TDRD5: variants seen among roughly 807,000 people sequenced by gnomAD.
The protein encoded by TDRD5 is tudor domain containing 5.
In TDRD5, 41 loss-of-function variants were observed where a neutral mutation model predicts 120.6. The observed-to-expected ratio is 0.34, with a 90% CI of 0.26 to 0.44. The LOEUF (loss-of-function observed/expected upper bound fraction) is 0.44. Ranked by LOEUF, TDRD5 falls within the 20% of genes least tolerant of loss-of-function variation. TDRD5 has a pLI of 1.00. For missense variants in TDRD5, 1,006 were observed against 1,221.2 expected (o/e 0.82, Z 2.63); for synonymous variants, 430 against 433.7 (o/e 0.99, Z 0.11).
intron 16 of TDRD5, 34 bp downstream of exon 16, chr1:179,663,525 T>A: frequency 1.3e-6 from 2 of 1,566,154 alleles, no homozygotes; most frequent in Non-Finnish European, 1.7e-6. Context: ...GGGACAGGTT[T>A]GCATAAGGAA....
chr1:179,662,131 C>G lies in TDRD5; in HGVS notation c.2350C>G (p.Leu784Val). Residue 784 changes from leucine to valine, a missense_variant, in exon 15 of 18, where the codon CTG (leucine) becomes GTG (valine). Leu to Val is a conservative substitution (Grantham distance 32). Transcript: ENST00000444136. ...EDEIPTGMPC[L>V]ESVTIGDDIW... ...TGAGATCCCCACTGGAATGCCATGCCTGGAGTCAGTGACCATAGGTGATGA... is the reference window on the plus strand; with the variant it reads ...TGAGATCCCCACTGGAATGCCATGCGTGGAGTCAGTGACCATAGGTGATGA... 6.3e-7 allele frequency: 1 copy of G among 1,591,994 alleles called. No individual in the cohort carries two copies. The highest frequency in any genetic ancestry group is 8.5e-7 in the Non-Finnish European group (1 of 1,171,616).
chr1:179,602,697 G>A (rs745419174), intron 4 of TDRD5, among the ~76,000 whole-genome samples: 48 of 151,934 alleles, frequency 3.2e-4, no homozygotes, highest in Non-Finnish European at 6.2e-4. Context: ...AAGTATTTGG[G>A]TTTATTTCTG....
chr1:179,677,839 C>T (rs141924729), intron 17 of TDRD5, among the ~76,000 whole-genome samples: 3 of 152,132 alleles, frequency 2.0e-5, no homozygotes, highest in Non-Finnish European at 4.4e-5. Context: ...GACCTCCAGC[C>T]AGGAGGTGGT....
chr1:179,642,574 C>T (rs1319400898), intron 11 of TDRD5, among the ~76,000 whole-genome samples: 1 of 152,250 alleles, frequency 6.6e-6, no homozygotes, highest in Admixed American at 6.5e-5. Context: ...ATGCACCCTT[C>T]AGTCATTCAT....
chr1:179,685,855 G>T (rs1289912467), intron 17 of TDRD5, among the ~76,000 whole-genome samples: 1 of 151,332 alleles, frequency 6.6e-6, no homozygotes, highest in African/African-American at 2.4e-5. Flanking sequence ...TCTGTTATTG[G>T]TGTATAGTAA....
At position 179,612,427 on chromosome 1, in the gene TDRD5, G is replaced by T. The variant is rs150694060; in HGVS notation, c.832-6172G>T. On this transcript the variant is annotated intron_variant, in intron 4 of 17. Transcript: ENST00000444136. ...TAGAGGAGAAATGAACATTTTAATG[G>T]GTGAATAGCATATGAATTTAGCTAT... is the stretch of plus-strand genomic sequence containing the variant. 1.8e-3 allele frequency among the ~76,000 whole-genome samples: 276 copies of T among 152,222 alleles called. 1 individual carries two copies. The highest frequency in any genetic ancestry group is 6.4e-3 in the African/African-American group (266 of 41,542).
At position 179,677,580 on chromosome 1, in the gene TDRD5, T is replaced by C. The variant is rs150343871; in HGVS notation, c.2860+8176T>C. Among the ~76,000 whole-genome samples the C allele has an allele frequency of 7.2e-5, 11 of 152,282 alleles. No homozygotes were observed. The East Asian group carries it at 1.9e-3, about 27-fold the overall frequency. ...TGGTGTTCTCTTCTTTCCCCTAGGA[T>C]TGGGGCTTCCTGAGAACTGAACTGT... is the stretch of plus-strand genomic sequence containing the variant. On this transcript the variant is annotated intron_variant, in intron 17 of 17. Transcript: ENST00000444136.
intron 9 of TDRD5, 136 bp from the exon 10 acceptor site, chr1:179,639,703 T>G: frequency 1.3e-6 from 1 of 796,078 alleles, no homozygotes; most frequent in South Asian, 1.8e-5. Flanking sequence ...TTGGTATTAA[T>G]GAGCATTAAC....
Position 179,592,817 on chromosome 1 carries a change from C to A in TDRD5, c.202C>A (p.Pro68Thr), listed in dbSNP as rs1251437832. 6.2e-7 allele frequency: 1 copy of A among 1,613,986 alleles called. No homozygotes were observed. Among genetic ancestry groups the A allele is most frequent in the Non-Finnish European group, 8.5e-7 (1 of 1,180,030 alleles). Reference sequence around the variant, plus strand: ...CATGCCTGATGTTGTTCGTGTCTGCCCCGGTGCAGGTGGTACTGTAATACT... The same window carrying A: ...CATGCCTGATGTTGTTCGTGTCTGCACCGGTGCAGGTGGTACTGTAATACT... ...LDMPDVVRVCPGAGGTVILKA... is the reference protein window; with the variant it reads ...LDMPDVVRVCTGAGGTVILKA... The change falls in exon 2 of 18, where the codon CCC becomes ACC. Residue 68 changes from proline (P) to threonine (T), a missense_variant. By Grantham distance (38) the Pro-to-Thr change is conservative (BLOSUM62 -1). Around this residue, in one of 3 missense-constraint regions of TDRD5, gnomAD observed 445 missense variants for 515.5 expected, o/e 0.86. Coordinates refer to ENST00000444136, the MANE Select transcript of TDRD5 (RefSeq NM_001199085.3).
At chr1:179,613,930 A>G (rs1388435306) in intron 4 of TDRD5, among the ~76,000 whole-genome samples, 2 of 152,186 alleles carry the variant, frequency 1.3e-5, no homozygotes, top group Non-Finnish European at 2.9e-5. Context: ...TAAGAAATGT[A>G]TTAATGTTTT....
intron 11 of TDRD5, among the ~76,000 whole-genome samples, chr1:179,648,452 TG>T (rs754051680): frequency 0.2 from 7,436 of 37,252 alleles, 605 homozygotes; most frequent in Non-Finnish European, 0.22. Context: ...TGTTGTGGGG[TG>T]GGGGGGGGGA....
In TDRD5 at chr1:179,688,412, A is replaced by G. The variant is rs569242475; in HGVS notation, c.2861-2284A>G. ...GTTTGTAGAGTTTGTGCAGAGAGATACGCTGTTAGTCTGATGGCCTTCCCT... is the reference window on the plus strand; with the variant it reads ...GTTTGTAGAGTTTGTGCAGAGAGATGCGCTGTTAGTCTGATGGCCTTCCCT... On this transcript the variant is annotated intron_variant, in intron 17 of 17. Transcript: ENST00000444136. Among the ~76,000 whole-genome samples, 4 of 152,332 alleles carry G rather than the reference A, an allele frequency of 2.6e-5. No homozygotes were observed. The East Asian group carries it at 5.8e-4, about 22-fold the overall frequency.
At chr1:179,634,716 T>C (rs1426428698) in intron 8 of TDRD5, 87 bp downstream of exon 8, 6 of 1,421,568 alleles carry the variant, frequency 4.2e-6, no homozygotes, top group African/African-American at 1.4e-5. Flanking sequence ...AAATTCTTTT[T>C]AGAAAAGTCT....
rs1239014370 is a variant in TDRD5, at chr1:179,624,374, G to A, written c.972+3283G>A. On this transcript the variant is annotated intron_variant, in intron 6 of 17. Coordinates refer to ENST00000444136, the MANE Select transcript of TDRD5 (RefSeq NM_001199085.3). ...AATTCCCCCTTAAAATCTGGAACAA[G>A]GTAAGTATATCCAGTCATACTGCTT... 4.6e-5 allele frequency among the ~76,000 whole-genome samples: 7 copies of A among 152,100 alleles called. No individual in the cohort carries two copies. The East Asian group carries it at 1.4e-3, about 29-fold the overall frequency.
At chr1:179,657,100 T>C (rs1363272636) in intron 14 of TDRD5, among the ~76,000 whole-genome samples, 1 of 152,226 alleles carries the variant, frequency 6.6e-6, no homozygotes, top group African/African-American at 2.4e-5. Flanking sequence ...TCCTATTTTA[T>C]ACTTTTTCAA....
At chr1:179,632,614 T>C (rs10798703) in intron 7 of TDRD5, among the ~76,000 whole-genome samples, 42,748 of 152,042 alleles carry the variant, frequency 0.28, 6,227 homozygotes, top group East Asian at 0.41. Flanking sequence ...ATCTTTTTTT[T>C]TAATCACAAA....
At chr1:179,651,137 T>A in intron 12 of TDRD5, 70 bp downstream of exon 12, 1 of 1,508,526 alleles carries the variant, frequency 6.6e-7, no homozygotes, top group South Asian at 1.2e-5. Context: ...TAAGATAATT[T>A]AATAAAGAAG....
At chr1:179,645,784 T>C (rs1678325979) in intron 11 of TDRD5, among the ~76,000 whole-genome samples, 1 of 152,196 alleles carries the variant, frequency 6.6e-6, no homozygotes, top group South Asian at 2.1e-4. Flanking sequence ...AATACCAAAA[T>C]TGTTATATCT....
At chr1:179,628,314 CTTTTCTTTTCT>C (rs1214339811) in intron 6 of TDRD5, among the ~76,000 whole-genome samples, 8 of 54,966 alleles carry the variant, frequency 1.5e-4, no homozygotes, top group Non-Finnish European at 2.1e-4. Flanking sequence ...TATTTCTTTT[CTTTTCTTTTCT>C]TTTTTTTTTT....
Sources: gnomAD v4.1 joint callset for allele counts (sites outside exome capture counted in the v4.1 genomes callset) on GRCh38, gnomAD v4.1.1 for gene constraint, gnomAD v4.1.1 regional missense constraint, MANE v1.5 for transcripts, NCBI Gene and HGNC (gene_info 2026-07-23, HGNC 2026-07-21) for gene names.